RPS6KC1: variants seen among roughly 807,000 people sequenced by gnomAD.
The protein encoded by RPS6KC1 is inactive ribosomal protein S6 kinase delta-1.
RPS6KC1 carries 54 observed loss-of-function variants against 103.8 expected under a neutral mutation model. That is an observed-to-expected ratio of 0.52 (90% CI 0.42 to 0.65). The LOEUF (loss-of-function observed/expected upper bound fraction) is 0.65. Ranked by LOEUF, RPS6KC1 falls within the 30% of genes least tolerant of loss-of-function variation. The pLI is 0.00. For synonymous variants in RPS6KC1, 439 were observed against 438.7 expected, an observed-to-expected ratio of 1.00 and a Z score of -0.01; for missense variants, 1,151 against 1,253.8, an observed-to-expected ratio of 0.92 and a Z score of 1.24.
the RPS6KC1 span, among the ~76,000 whole-genome samples, chr1:213,676,496 T>C: frequency 6.6e-6 from 1 of 152,210 alleles, no homozygotes; most frequent in Non-Finnish European, 1.5e-5. Context: ...GAGGATGTCT[T>C]CTGAGAATGT....
At chr1:213,621,897 C>A in the RPS6KC1 span, among the ~76,000 whole-genome samples, 1 of 152,144 alleles carries the variant, frequency 6.6e-6, no homozygotes, top group East Asian at 1.9e-4. Flanking sequence ...ACGAATGAAT[C>A]TGGCAAGGAT....
chr1:213,163,231 A>C (rs967316855), intron 6 of RPS6KC1, among the ~76,000 whole-genome samples: 5 of 152,274 alleles, frequency 3.3e-5, no homozygotes, highest in Admixed American at 2.0e-4. Flanking sequence ...AAGCAGCAAC[A>C]AACAAAAACT....
At chr1:213,300,337 C>G in the RPS6KC1 span, among the ~76,000 whole-genome samples, 1 of 152,190 alleles carries the variant, frequency 6.6e-6, no homozygotes, top group Non-Finnish European at 1.5e-5. Flanking sequence ...GGTGGTGTGA[C>G]TCTGTTGGTT....
chr1:213,091,140 C>T (rs1188154470), intron 3 of RPS6KC1, among the ~76,000 whole-genome samples: 4 of 151,992 alleles, frequency 2.6e-5, no homozygotes, highest in Non-Finnish European at 4.4e-5. Flanking sequence ...TTACTGCAAG[C>T]TCTGCCTCCT....
intron 3 of RPS6KC1, among the ~76,000 whole-genome samples, chr1:213,093,967 GCTT>G (rs1199525191): frequency 1.3e-5 from 2 of 151,976 alleles, no homozygotes; most frequent in African/African-American, 4.8e-5. Context: ...AGTTTGCCAT[GCTT>G]CTTTTCAGCT....
At chr1:213,662,621 T>C in the RPS6KC1 span, among the ~76,000 whole-genome samples, 1 of 152,048 alleles carries the variant, frequency 6.6e-6, no homozygotes, top group Non-Finnish European at 1.5e-5. Flanking sequence ...ATAGCTCCCC[T>C]GCGCATAGAT....
chr1:213,728,136 G>A, the RPS6KC1 span, among the ~76,000 whole-genome samples: 1 of 152,136 alleles, frequency 6.6e-6, no homozygotes, highest in Non-Finnish European at 1.5e-5. Context: ...GAAGCAGCGT[G>A]ATAAGCGGTG....
chr1:213,688,586 A>G, the RPS6KC1 span, among the ~76,000 whole-genome samples: 8 of 152,156 alleles, frequency 5.3e-5, no homozygotes, highest in Non-Finnish European at 1.5e-5. Flanking sequence ...CTAATAAATA[A>G]AAGTTGCCTC....
Position 213,242,277 on chromosome 1 carries a change from A to T in RPS6KC1, c.2801A>T (p.Asn934Ile). The change falls in exon 11 of 15, where the codon AAC becomes ATC. Residue 934 changes from asparagine to isoleucine, a missense_variant. Around this residue, in one of 3 missense-constraint regions of RPS6KC1, gnomAD observed 189 missense variants for 228.8 expected, o/e 0.83. Transcript: ENST00000366960. ...GIVCRDLNPNNILLNDRGHIQ... is the reference protein window; with the variant it reads ...GIVCRDLNPNIILLNDRGHIQ... ...GTGTGCCGCGATTTGAACCCAAACA[A>T]CATCTTATTGAATGATAGAGGTCAG... 6.2e-7 allele frequency: 1 copy of T among 1,613,904 alleles called. No individual in the cohort carries two copies. The highest frequency in any genetic ancestry group is 8.5e-7 in the Non-Finnish European group (1 of 1,179,864).
At chr1:213,855,534 C>T in the RPS6KC1 span, among the ~76,000 whole-genome samples, 1 of 152,234 alleles carries the variant, frequency 6.6e-6, no homozygotes, top group Admixed American at 6.5e-5. Context: ...ACTAGCCTAG[C>T]ATCTGTCCTT....
the RPS6KC1 span, among the ~76,000 whole-genome samples, chr1:213,347,862 CT>C: frequency 1.3e-5 from 2 of 152,188 alleles, no homozygotes; most frequent in African/African-American, 4.8e-5. Context: ...TCTGCAAAGT[CT>C]GCTTTGCCAT....
At chr1:213,731,713 G>A in the RPS6KC1 span, among the ~76,000 whole-genome samples, 4 of 152,132 alleles carry the variant, frequency 2.6e-5, no homozygotes, top group South Asian at 2.1e-4. Flanking sequence ...CATCTATTAT[G>A]CATCGATAAA....
At chr1:213,142,412 T>G (rs1042264492) in intron 6 of RPS6KC1, among the ~76,000 whole-genome samples, 1 of 152,068 alleles carries the variant, frequency 6.6e-6, no homozygotes, top group Non-Finnish European at 1.5e-5. Flanking sequence ...TAGTACGGTC[T>G]TTTGGATGTA....
At chr1:213,481,788 A>T in the RPS6KC1 span, among the ~76,000 whole-genome samples, 1 of 152,178 alleles carries the variant, frequency 6.6e-6, no homozygotes, top group Non-Finnish European at 1.5e-5. Flanking sequence ...ATAAATTATA[A>T]ATTATATTTA....
chr1:213,196,412 T>C (rs981856925), intron 8 of RPS6KC1, among the ~76,000 whole-genome samples: 11 of 152,220 alleles, frequency 7.2e-5, no homozygotes, highest in African/African-American at 2.7e-4. Flanking sequence ...TTTGCAGATA[T>C]GTTTTCCCCC....
chr1:213,497,520 A>AT, the RPS6KC1 span, among the ~76,000 whole-genome samples: 44 of 152,320 alleles, frequency 2.9e-4, no homozygotes, highest in Admixed American at 5.2e-4. Flanking sequence ...ATTACATATA[A>AT]TTTAGAAAAT....
chr1:213,289,378 C>T, the RPS6KC1 span, among the ~76,000 whole-genome samples: 3 of 151,170 alleles, frequency 2.0e-5, no homozygotes, highest in East Asian at 1.9e-4. Flanking sequence ...TTTTTTTCCA[C>T]GACTTTTTGG....
At chr1:213,811,185 G>A in the RPS6KC1 span, among the ~76,000 whole-genome samples, 1 of 152,138 alleles carries the variant, frequency 6.6e-6, no homozygotes, top group African/African-American at 2.4e-5. Flanking sequence ...GCTAGAATGA[G>A]GCAATTACAT....
chr1:213,689,228 G>A, the RPS6KC1 span, among the ~76,000 whole-genome samples: 39 of 152,284 alleles, frequency 2.6e-4, no homozygotes, highest in Admixed American at 2.0e-3. Context: ...CAGGTGGCTG[G>A]ACACTGGTTG....
Sources: allele counts gnomAD v4.1 joint callset (sites outside exome capture counted in the v4.1 genomes callset), GRCh38; gene constraint gnomAD v4.1.1; regional missense constraint gnomAD v4.1.1; transcripts MANE v1.5; gene names NCBI Gene and HGNC (gene_info 2026-07-23, HGNC 2026-07-21).